STAP1: variants seen among roughly 807,000 people sequenced by gnomAD.
The protein encoded by STAP1 is signal-transducing adaptor protein 1.
STAP1 carries 30 observed loss-of-function variants against 37.8 expected under a neutral mutation model. That is an observed-to-expected ratio of 0.79 (90% CI 0.59 to 1.08). The LOEUF (loss-of-function observed/expected upper bound fraction) is 1.08, where lower values mean the gene tolerates loss of function less well. Among genes scored for constraint, STAP1 ranks in the 50% least tolerant of loss-of-function variants. The probability of loss-of-function intolerance (pLI) is 0.00; values close to 1 mark genes in which losing one functional copy is unlikely to be tolerated. For synonymous variants in STAP1, 130 were observed against 116.0 expected (o/e 1.12, Z -0.78); for missense variants, 357 against 349.4 (o/e 1.02, Z -0.17).
chr4:67,579,358 G>C (rs892110823), intron 4 of STAP1, among the ~76,000 whole-genome samples: 1 of 152,146 alleles, frequency 6.6e-6, no homozygotes, highest in African/African-American at 2.4e-5. Context: ...ACCCCAGTTT[G>C]GGTCCTGGTT....
At chr4:67,562,922 C>A (rs1727383809) in intron 1 of STAP1, among the ~76,000 whole-genome samples, 2 of 151,962 alleles carry the variant, frequency 1.3e-5, no homozygotes, top group Non-Finnish European at 2.9e-5. Context: ...TTTTCTCTCC[C>A]AATGGATCAT....
intron 6 of STAP1, among the ~76,000 whole-genome samples, chr4:67,586,668 T>C (rs1324799232): frequency 6.6e-6 from 1 of 152,216 alleles, no homozygotes; most frequent in Non-Finnish European, 1.5e-5. Flanking sequence ...ACAATTGTAT[T>C]GTATTTAAGT....
At chr4:67,604,497 T>G (rs1187657246) in intron 8 of STAP1, among the ~76,000 whole-genome samples, 1 of 152,210 alleles carries the variant, frequency 6.6e-6, no homozygotes, top group Non-Finnish European at 1.5e-5. Flanking sequence ...CTTTTCTTTG[T>G]TGAGAACATC....
chr4:67,603,468 C>T (rs1728387623), intron 8 of STAP1, among the ~76,000 whole-genome samples: 1 of 152,144 alleles, frequency 6.6e-6, no homozygotes, highest in Non-Finnish European at 1.5e-5. Flanking sequence ...GCCACCACAG[C>T]TAGGAATGTG....
At chr4:67,592,286 G>C (rs77721805) in intron 7 of STAP1, among the ~76,000 whole-genome samples, 2 of 151,982 alleles carry the variant, frequency 1.3e-5, no homozygotes, top group African/African-American at 4.8e-5. Context: ...GTACCACTGC[G>C]CCTGGCTCAG....
chr4:67,598,205 T>G (rs1326242811), intron 8 of STAP1, among the ~76,000 whole-genome samples: 1 of 152,168 alleles, frequency 6.6e-6, no homozygotes, highest in East Asian at 1.9e-4. Context: ...ACTCTCTTTT[T>G]CTCTTGGCTA....
chr4:67,573,469 A>G (rs1014056426), intron 2 of STAP1, among the ~76,000 whole-genome samples: 2 of 152,190 alleles, frequency 1.3e-5, no homozygotes, highest in Non-Finnish European at 2.9e-5. Context: ...CACTCTAACT[A>G]ACTGCCACCT....
chr4:67,604,310 T>C (rs1006244701), intron 8 of STAP1, among the ~76,000 whole-genome samples: 1 of 152,224 alleles, frequency 6.6e-6, no homozygotes, highest in Non-Finnish European at 1.5e-5. Context: ...TCTCTTTCCT[T>C]GCTATGATGT....
intron 6 of STAP1, among the ~76,000 whole-genome samples, chr4:67,590,384 C>G (rs1456397069): frequency 1.3e-5 from 2 of 152,068 alleles, no homozygotes. Flanking sequence ...AGTGGATATC[C>G]AGGGTGGTAT....
At chr4:67,564,601 A>T (rs1727423939) in intron 1 of STAP1, among the ~76,000 whole-genome samples, 1 of 152,138 alleles carries the variant, frequency 6.6e-6, no homozygotes, top group Non-Finnish European at 1.5e-5. Context: ...TCCTCCAGGA[A>T]TCATACAATC....
At chr4:67,575,334 A>G (rs1727693290) in intron 2 of STAP1, 51 bp from the exon 3 acceptor site, 12 of 1,242,650 alleles carry the variant, frequency 9.7e-6, no homozygotes, top group East Asian at 5.1e-5. Context: ...GCTAGAACTA[A>G]TGTGTATTAC....
At chr4:67,572,658 G>A (rs2109859073) in intron 2 of STAP1, among the ~76,000 whole-genome samples, 1 of 152,226 alleles carries the variant, frequency 6.6e-6, no homozygotes, top group South Asian at 2.1e-4. Flanking sequence ...TCTAAAATCA[G>A]AATAAAAATA....
At chr4:67,597,604 G>C (rs1352845521) in intron 8 of STAP1, among the ~76,000 whole-genome samples, 1 of 152,258 alleles carries the variant, frequency 6.6e-6, no homozygotes, top group Non-Finnish European at 1.5e-5. Context: ...ACCCTGCAGA[G>C]TCACAGGGGT....
intron 1 of STAP1, among the ~76,000 whole-genome samples, chr4:67,565,086 G>C (rs1473444808): frequency 6.6e-6 from 1 of 152,174 alleles, no homozygotes; most frequent in East Asian, 1.9e-4. Flanking sequence ...AATGCAGGGT[G>C]GGGAAGCCTT....
At chr4:67,563,939 TA>T (rs35320647) in intron 1 of STAP1, among the ~76,000 whole-genome samples, 92,916 of 145,946 alleles carry the variant, frequency 0.64, 30,319 homozygotes, top group Non-Finnish European at 0.74. Context: ...AAACGATTGT[TA>T]AAAAAAAAAA....
At chr4:67,574,546 A>G (rs552127419) in intron 2 of STAP1, among the ~76,000 whole-genome samples, 71 of 152,266 alleles carry the variant, frequency 4.7e-4, no homozygotes, top group Admixed American at 7.8e-4. Context: ...TTTTTGTTCT[A>G]TTTAGAGTGA....
At chr4:67,565,966 C>T (rs1454313385) in intron 1 of STAP1, among the ~76,000 whole-genome samples, 5 of 85,510 alleles carry the variant, frequency 5.8e-5, no homozygotes, top group East Asian at 7.7e-4. Flanking sequence ...TTTTTTTTTA[C>T]GAGACAGAGT....
intron 1 of STAP1, among the ~76,000 whole-genome samples, chr4:67,570,227 AGTC>A (rs1294767048): frequency 6.6e-6 from 1 of 152,220 alleles, no homozygotes; most frequent in African/African-American, 2.4e-5. Flanking sequence ...CCAGTAACAT[AGTC>A]ATTTATTAAT....
intron 7 of STAP1, among the ~76,000 whole-genome samples, chr4:67,592,649 G>A (rs1728144431): frequency 6.6e-6 from 1 of 152,118 alleles, no homozygotes; most frequent in Non-Finnish European, 1.5e-5. Flanking sequence ...ATTTCAGAAA[G>A]AAAGCATTTT....
Sources: gnomAD v4.1 joint callset for allele counts (sites outside exome capture counted in the v4.1 genomes callset) on GRCh38, gnomAD v4.1.1 for gene constraint, MANE v1.5 for transcripts, NCBI Gene and HGNC (gene_info 2026-07-23, HGNC 2026-07-21) for gene names.